Variants in COL18A1 observed in about 807,000 individuals in gnomAD.
COL18A1 encodes the protein collagen alpha-1(XVIII) chain.
Under a neutral mutation model 168.0 loss-of-function variants are expected in COL18A1, and 133 were observed. The observed-to-expected ratio is 0.79, with a 90% CI of 0.69 to 0.91. COL18A1 has a LOEUF of 0.91. COL18A1 is among the 40% of genes least tolerant of loss of function. The pLI is 0.00. For missense variants in COL18A1, 2,126 were observed against 1,925.4 expected (o/e 1.10, Z -1.95); for synonymous variants, 949 against 809.0 (o/e 1.17, Z -2.94).
rs1568942285 is a variant in COL18A1, at chr21:45,505,223, T to TCCCGGCCCCCCAGGCCCC, written c.2961_2978dup (p.Gly991_Pro996dup). The TCCCGGCCCCCCAGGCCCC allele has an allele frequency of 2.0e-5, 31 of 1,580,680 alleles. No individual in the cohort carries two copies. Among genetic ancestry groups the TCCCGGCCCCCCAGGCCCC allele is most frequent in the African/African-American group, 5.8e-5 (4 of 68,870 alleles). On this transcript the variant is annotated inframe_insertion, in exon 35 of 42. Coordinates refer to ENST00000651438, the MANE Select transcript of COL18A1 (RefSeq NM_001379500.1). ...TCGGCTACGAGGGGCGCCAGGGCCCTCCCGGCCCCCCAGGCCCCCCAGGGC... is the reference window on the plus strand; with the variant it reads ...TCGGCTACGAGGGGCGCCAGGGCCCTCCCGGCCCCCCAGGCCCCCCCGGCCCCCCAGGCCCCCCAGGGC...
rs1046345363 is a variant in COL18A1, at chr21:45,456,833, C to A, written c.107-11409C>A. 8 of 1,516,110 alleles carry A rather than the reference C, an allele frequency of 5.3e-6. No individual in the cohort carries two copies. In the African/African-American group the frequency reaches 1.1e-4, roughly 21 times the overall value. The allele number at this position is 1,516,110 out of a possible 1,614,324, so 93.9% of individuals were successfully genotyped here. On this transcript the variant is annotated intron_variant, in intron 2 of 41. Transcript: ENST00000651438. The stretch of plus-strand genomic sequence containing the variant: ...CCGGCTGCCCGTCGCCTGTGCCTCG[C>A]TCCCGACCCAGGAGGATGGGTACTG...
At chr21:45,482,900 G>T in intron 15 of COL18A1, 79 bp downstream of exon 15, 2 of 1,607,110 alleles carry the variant, frequency 1.2e-6, no homozygotes, top group Non-Finnish European at 1.7e-6. Flanking sequence ...GAGGGTGGCA[G>T]CCCCACGGTC....
intron 2 of COL18A1, among the ~76,000 whole-genome samples, chr21:45,452,370 T>C (rs575026355): frequency 2.2e-4 from 33 of 152,382 alleles, no homozygotes; most frequent in Admixed American, 4.6e-4. Flanking sequence ...TGTAAGCATG[T>C]ATGTGAGCTT....
Position 45,477,409 on chromosome 21 carries a change from A to G in COL18A1, c.929-2A>G, listed in dbSNP as rs765919785. ...CGTGGCCACCTCTGCTTCTCTTCCC[A>G]GCTCAGACACTTCCTGGCTCAGATT... is the stretch of plus-strand genomic sequence containing the variant. On this transcript the variant is annotated splice_acceptor_variant, in intron 6 of 41. Coordinates refer to ENST00000651438, the MANE Select transcript of COL18A1 (RefSeq NM_001379500.1). LOFTEE classifies it high-confidence loss of function. The G allele has an allele frequency of 9.9e-6, 16 of 1,612,030 alleles. No homozygotes were observed. Among genetic ancestry groups the G allele is most frequent in the Non-Finnish European group, 1.3e-5 (15 of 1,179,302 alleles).
chr21:45,450,441 G>C (rs1211017654), intron 2 of COL18A1, among the ~76,000 whole-genome samples: 1 of 152,238 alleles, frequency 6.6e-6, no homozygotes, highest in East Asian at 1.9e-4. Flanking sequence ...TCTGACGATT[G>C]AACAGCCCGG....
chr21:45,439,774 A>C (rs1262469167), intron 2 of COL18A1, among the ~76,000 whole-genome samples: 3 of 147,986 alleles, frequency 2.0e-5, no homozygotes, highest in Non-Finnish European at 4.6e-5. Context: ...CCTGGCGCCA[A>C]GCACAGAGCC....
In COL18A1 at chr21:45,490,258, C is replaced by T. The variant is rs996679597; in HGVS notation, c.1960-17C>T. ...GCGTGTGGCCAATGCCCTGCGTCCT[C>T]CATGTGACCCTTTCAGGGAGAAGTT... is the stretch of plus-strand genomic sequence containing the variant. On this transcript the variant is annotated splice_polypyrimidine_tract_variant and intron_variant, in intron 19 of 41. Transcript: ENST00000651438. 1.9e-6 allele frequency: 3 copies of T among 1,569,552 alleles called. No individual in the cohort carries two copies. In the African/African-American group the frequency reaches 4.1e-5, roughly 21 times the overall value.
At chr21:45,494,462 C>T (rs2036463634) in intron 26 of COL18A1, 83 bp from the exon 27 acceptor site, 3 of 1,596,880 alleles carry the variant, frequency 1.9e-6, no homozygotes, top group Non-Finnish European at 2.6e-6. Flanking sequence ...CCTAACCGTG[C>T]CTTCGCCACA....
chr21:45,488,123 G>T (rs1243060528), intron 17 of COL18A1, among the ~76,000 whole-genome samples: 1 of 152,220 alleles, frequency 6.6e-6, no homozygotes, highest in Non-Finnish European at 1.5e-5. Context: ...AGAGACACGT[G>T]GGGTGGCTGA....
rs1602395948 is a variant in COL18A1 at position 45,443,032 on chromosome 21, A to ATGTGGGCGGCGGTGCTGG, written c.107-25200_107-25183dup. Among the ~76,000 whole-genome samples, 1 of 41,862 alleles carries ATGTGGGCGGCGGTGCTGG rather than the reference A, an allele frequency of 2.4e-5. No individual in the cohort carries two copies. The highest frequency in any genetic ancestry group is 4.8e-5 in the Non-Finnish European group (1 of 21,044). The allele number at this position is 41,862 out of a possible 152,430, so 27.5% of individuals were successfully genotyped here. Reference sequence around the variant, plus strand: ...GCTGATGTGGGTGGTGGTGGTGCTGATGTGGGCGGCGGTGCTGGTGTGGGC... The same window carrying ATGTGGGCGGCGGTGCTGG: ...GCTGATGTGGGTGGTGGTGGTGCTGATGTGGGCGGCGGTGCTGGTGTGGGCGGCGGTGCTGGTGTGGGC... On this transcript the variant is annotated intron_variant, in intron 2 of 41. Coordinates refer to ENST00000651438, the MANE Select transcript of COL18A1 (RefSeq NM_001379500.1). The surrounding 1 kb of genome is among the most constrained non-coding windows in gnomAD (Gnocchi z 5.2).
At chr21:45,419,281 TGCC>T (rs949764590) in intron 2 of COL18A1, among the ~76,000 whole-genome samples, 11 of 151,428 alleles carry the variant, frequency 7.3e-5, no homozygotes, top group African/African-American at 2.7e-4. Flanking sequence ...AGTGACGTGA[TGCC>T]GGGTAGTGAC....
chr21:45,466,326 G>T (rs966795399), intron 2 of COL18A1, among the ~76,000 whole-genome samples: 1 of 152,318 alleles, frequency 6.6e-6, no homozygotes, highest in Non-Finnish European at 1.5e-5. Context: ...ACACACACAG[G>T]CCTCCAGAAC....
chr21:45,475,055 T>A (rs2035597815), intron 4 of COL18A1, among the ~76,000 whole-genome samples: 1 of 152,194 alleles, frequency 6.6e-6, no homozygotes, highest in Admixed American at 6.5e-5. Context: ...CTCCGGGTTT[T>A]CCTGAAGTTT....
Position 45,486,729 on chromosome 21 carries a change from G to T in COL18A1, c.1702-132G>T. The T allele has an allele frequency of 1.6e-5, 16 of 1,006,342 alleles. No homozygotes were observed. The South Asian group carries it at 2.3e-4, about 15-fold the overall frequency. 62.3% of individuals were successfully genotyped at this position (1,006,342 alleles called of 1,614,324 possible). A position where few individuals can be genotyped will look rare whatever the true frequency, so the allele number is the denominator to read the frequency against. ...GAAAGGCTGCTGTGGGGCCTGCGTT[G>T]CTTGGCAGAATGTTCCTTACCTTTT... On this transcript the variant is annotated intron_variant, in intron 15 of 41. Transcript: ENST00000651438.
chr21:45,454,022 T>C, intron 2 of COL18A1, among the ~76,000 whole-genome samples: 1 of 152,180 alleles, frequency 6.6e-6, no homozygotes, highest in Non-Finnish European at 1.5e-5. Flanking sequence ...TTGGAGACTT[T>C]CCGGAGGCGT....
At chr21:45,414,668 A>G (rs183045317) in intron 2 of COL18A1, among the ~76,000 whole-genome samples, 211 of 152,334 alleles carry the variant, frequency 1.4e-3, no homozygotes, top group African/African-American at 4.8e-3. Flanking sequence ...CAGACCAGAA[A>G]ACAGCCCTGC....
At position 45,507,645 on chromosome 21, in the gene COL18A1, G is replaced by T. The variant is rs771223547; in HGVS notation, c.3249+52G>T. 5.9e-6 allele frequency: 9 copies of T among 1,528,972 alleles called. No individual in the cohort carries two copies. In the East Asian group the frequency reaches 1.4e-4, roughly 23 times the overall value. 94.7% of individuals were successfully genotyped at this position (1,528,972 alleles called of 1,614,324 possible). A position where few individuals can be genotyped will look rare whatever the true frequency, so the allele number is the denominator to read the frequency against. On this transcript the variant is annotated intron_variant, in intron 38 of 41. Transcript: ENST00000651438. ...TGGTGGGTGGTCAGGACATGAGGGG[G>T]TATGTGCTGTCCCCTGTTTGAGGAA... is the stretch of plus-strand genomic sequence containing the variant.
Position 45,437,611 on chromosome 21 carries a change from C to T in COL18A1, c.107-30631C>T, listed in dbSNP as rs866909598. Among the ~76,000 whole-genome samples the T allele has an allele frequency of 5.1e-5, 4 of 79,056 alleles. 1 individual carries two copies. The highest frequency in any genetic ancestry group is 1.1e-4 in the Admixed American group (1 of 8,768). The allele number at this position is 79,056 out of a possible 152,430, so 51.9% of individuals were successfully genotyped here. A position where few individuals can be genotyped will look rare whatever the true frequency, so the allele number is the denominator to read the frequency against. On this transcript the variant is annotated intron_variant, in intron 2 of 41. Transcript: ENST00000651438. ...ACACACACTCACACACTCAGACACA[C>T]AGGCACTCTCCTGCACACACACTCA...
chr21:45,427,178 C>G (rs1417589140), intron 2 of COL18A1, among the ~76,000 whole-genome samples: 1 of 152,148 alleles, frequency 6.6e-6, no homozygotes, highest in African/African-American at 2.4e-5. Flanking sequence ...ACGCTGGGGG[C>G]TGGGCCCAGC....
Sources: allele counts gnomAD v4.1 joint callset (sites outside exome capture counted in the v4.1 genomes callset), GRCh38; gene constraint gnomAD v4.1.1; non-coding constraint Gnocchi (gnomAD v3.1); transcripts MANE v1.5; gene names NCBI Gene and HGNC (gene_info 2026-07-23, HGNC 2026-07-21).